The following NF1 variants were observed in gnomAD, a reference collection of about 807,000 sequenced individuals.
NF1 encodes neurofibromin.
In NF1, 122 loss-of-function variants were observed where a neutral mutation model predicts 325.7. That is an observed-to-expected ratio of 0.37 (90% confidence interval 0.32 to 0.44). NF1 has a LOEUF of 0.44. Among genes scored for constraint, NF1 ranks in the 20% least tolerant of loss-of-function variants. The pLI is 1.00. For synonymous variants in NF1, 1,091 were observed against 1,186.0 expected (o/e 0.92, Z 1.65); for missense variants, 2,140 against 3,415.4 (o/e 0.63, Z 9.31).
intron 1 of NF1, among the ~76,000 whole-genome samples, chr17:31,149,590 T>C (rs955801414): frequency 6.6e-6 from 1 of 152,172 alleles, no homozygotes; most frequent in African/African-American, 2.4e-5. Flanking sequence ...GTTCATACTG[T>C]GTAATGATAA....
intron 1 of NF1, among the ~76,000 whole-genome samples, chr17:31,112,346 T>C (rs1289500620): frequency 6.6e-6 from 1 of 152,186 alleles, no homozygotes; most frequent in Non-Finnish European, 1.5e-5. Flanking sequence ...GATATTATAT[T>C]CTGTAATATT....
At chr17:31,367,039 A>G (rs2070537716) in intron 57 of NF1, among the ~76,000 whole-genome samples, 1 of 152,236 alleles carries the variant, frequency 6.6e-6, no homozygotes, top group East Asian at 1.9e-4. Context: ...CAAAGTTGTA[A>G]GTTCTCTCAT....
At chr17:31,227,326 C>CA in intron 19 of NF1, 35 bp downstream of exon 19, 1 of 1,603,458 alleles carries the variant, frequency 6.2e-7, no homozygotes, top group Non-Finnish European at 8.5e-7. Flanking sequence ...CCCTCCCAGG[C>CA]GCCCACCCTC....
At position 31,360,688 on chromosome 17, in the gene NF1, T is replaced by G. The variant is rs374004608; in HGVS notation, c.8362T>G (p.Ser2788Ala). The G allele has an allele frequency of 6.2e-7, 1 of 1,612,816 alleles. No individual in the cohort carries two copies. Among genetic ancestry groups the G allele is most frequent in the East Asian group, 2.2e-5 (1 of 44,872 alleles). The change falls in exon 57 of 58, where the codon TCC becomes GCC. Residue 2788 changes from serine (S) to alanine (A), a missense_variant. Transcript: ENST00000358273. ...LSNSMTSLAT[S>A]QHSPGIDKEN... is the part of the protein sequence containing the mutation. ...TAATTCCATGACCTCACTTGCAACT[T>G]CCCAGCATTCCCCAGGTCAGTAAAT...
intron 36 of NF1, among the ~76,000 whole-genome samples, chr17:31,274,827 A>G (rs747937037): frequency 8.5e-5 from 13 of 152,138 alleles, no homozygotes; most frequent in Non-Finnish European, 1.5e-4. Context: ...TTTGAGTACT[A>G]CACTTACACA....
intron 51 of NF1, 130 bp downstream of exon 51, chr17:31,352,544 C>A: frequency 1.3e-6 from 1 of 781,572 alleles, no homozygotes; most frequent in Non-Finnish European, 2.0e-6. Flanking sequence ...TTTTTGATGC[C>A]ATTTAAAAGA....
At chr17:31,332,473 A>G (rs2069526595) in intron 39 of NF1, among the ~76,000 whole-genome samples, 1 of 152,120 alleles carries the variant, frequency 6.6e-6, no homozygotes, top group Non-Finnish European at 1.5e-5. Flanking sequence ...CAAAATAAAT[A>G]AATGAATGAA....
chr17:31,228,576 C>A (rs1268100381), intron 20 of NF1, among the ~76,000 whole-genome samples: 1 of 152,114 alleles, frequency 6.6e-6, no homozygotes, highest in Admixed American at 6.6e-5. Flanking sequence ...GAAAAAAACC[C>A]CGTACCCTTT....
At chr17:31,356,348 A>G in intron 51 of NF1, 112 bp from the exon 52 acceptor site, 1 of 1,082,680 alleles carries the variant, frequency 9.2e-7, no homozygotes, top group Non-Finnish European at 1.4e-6. Context: ...GCTTTCTTTG[A>G]GTCCTCAGTG....
At chr17:31,268,937 C>T (rs2067840747) in intron 36 of NF1, among the ~76,000 whole-genome samples, 1 of 151,902 alleles carries the variant, frequency 6.6e-6, no homozygotes, top group African/African-American at 2.4e-5. Context: ...AACTCCTGGG[C>T]TCAAGCAATC....
At chr17:31,316,284 C>T (rs1325482517) in intron 36 of NF1, among the ~76,000 whole-genome samples, 1 of 151,952 alleles carries the variant, frequency 6.6e-6, no homozygotes, top group East Asian at 1.9e-4. Flanking sequence ...ATTTTGAACT[C>T]AAAGATATCT....
chr17:31,171,407 G>A (rs1183826507), intron 5 of NF1, among the ~76,000 whole-genome samples: 4 of 152,158 alleles, frequency 2.6e-5, no homozygotes, highest in Non-Finnish European at 4.4e-5. Context: ...ATGAATTAAA[G>A]TTAAGAAGTA....
chr17:31,304,615 G>A, intron 36 of NF1: 1 of 1,614,168 alleles, frequency 6.2e-7, no homozygotes. Context: ...ATCATCTGAA[G>A]AAGAAACAGC....
rs765425127 is a variant in NF1, at chr17:31,206,287, G to A, written c.1308G>A (p.Ser436=). The change falls in exon 12 of 58, where the codon TCG becomes TCA. Residue 436 remains serine (S), a synonymous_variant. Coordinates refer to ENST00000358273, the MANE Select transcript of NF1 (RefSeq NM_001042492.3). ...WPKIDAVYCH[S]VELRNMFGET... ...AGATTGATGCTGTGTATTGTCACTCGGTTGAACTTCGAAATATGTTTGGTG... is the reference window on the plus strand; with the variant it reads ...AGATTGATGCTGTGTATTGTCACTCAGTTGAACTTCGAAATATGTTTGGTG... 4.0e-5 allele frequency: 64 copies of A among 1,613,786 alleles called. No homozygotes were observed. Among genetic ancestry groups the A allele is most frequent in the East Asian group, 8.9e-5 (4 of 44,868 alleles).
At chr17:31,271,093 C>A (rs1489076878) in intron 36 of NF1, among the ~76,000 whole-genome samples, 2 of 152,188 alleles carry the variant, frequency 1.3e-5, no homozygotes, top group East Asian at 1.9e-4. Flanking sequence ...TTAACAAATG[C>A]ACTATTAATT....
intron 48 of NF1, among the ~76,000 whole-genome samples, chr17:31,344,372 G>A (rs534856948): frequency 1.3e-5 from 2 of 152,314 alleles, no homozygotes; most frequent in African/African-American, 4.8e-5. Context: ...GCCAGAGACT[G>A]CAGTTAATAA....
Position 31,376,581 on chromosome 17 carries a change from A to G in NF1, c.*2426A>G, listed in dbSNP as rs2070734367. 4 of 233,006 alleles carry G rather than the reference A, an allele frequency of 1.7e-5. No individual in the cohort carries two copies. In the Admixed American group the frequency reaches 2.2e-4, roughly 13 times the overall value. 14.4% of individuals were successfully genotyped at this position (233,006 alleles called of 1,614,324 possible). A position where few individuals can be genotyped will look rare whatever the true frequency, so the allele number is the denominator to read the frequency against. On this transcript the variant is annotated 3_prime_UTR_variant, in exon 58 of 58. Transcript: ENST00000358273. ...AAAATGTACATGAGATAAACCTCTC[A>G]CCACTATGTGTCCCTTGAGAAATGC... is the stretch of plus-strand genomic sequence containing the variant.
chr17:31,357,001 C>T lies in NF1; in HGVS notation c.7780C>T (p.Arg2594Cys), dbSNP rs372787215. 9 of 1,613,814 alleles carry T rather than the reference C, an allele frequency of 5.6e-6. No individual in the cohort carries two copies. Among genetic ancestry groups the T allele is most frequent in the African/African-American group, 2.7e-5 (2 of 74,906 alleles). The change falls in exon 53 of 58, where the codon CGT becomes TGT. Residue 2594 changes from arginine to cysteine, a missense_variant. By Grantham distance (180) the Arg-to-Cys change is radical (BLOSUM62 -3). Transcript: ENST00000358273. The part of the protein sequence containing the change: ...ISSSQQHPHL[R>C]KVSVSESNVL... ...CTCATCACAACAGCACCCACATTTACGTAAAGTTTCAGTGTCTGAATCAAA... is the reference window on the plus strand; with the variant it reads ...CTCATCACAACAGCACCCACATTTATGTAAAGTTTCAGTGTCTGAATCAAA...
chr17:31,312,331 G>A (rs1441248876), intron 36 of NF1, among the ~76,000 whole-genome samples: 1 of 151,972 alleles, frequency 6.6e-6, no homozygotes, highest in Non-Finnish European at 1.5e-5. Flanking sequence ...CCAACATGGT[G>A]AAACCCCGTT....
Sources: allele counts gnomAD v4.1 joint callset (sites outside exome capture counted in the v4.1 genomes callset), GRCh38; gene constraint gnomAD v4.1.1; transcripts MANE v1.5; gene names NCBI Gene and HGNC (gene_info 2026-07-23, HGNC 2026-07-21).